Variants in FRMPD4 observed in about 807,000 individuals in gnomAD.
FRMPD4 encodes the protein FERM and PDZ domain-containing protein 4.
FRMPD4 carries 22 observed loss-of-function variants against 94.1 expected under a neutral mutation model. The observed-to-expected ratio is 0.23, with a 90% CI of 0.17 to 0.33. The LOEUF is 0.33. Ranked by LOEUF, FRMPD4 falls within the 10% of genes least tolerant of loss-of-function variation. The pLI is 1.00. For missense variants in FRMPD4, 1,111 were observed against 1,339.9 expected, an observed-to-expected ratio of 0.83 and a Z score of 2.67; for synonymous variants, 631 against 548.6, an observed-to-expected ratio of 1.15 and a Z score of -2.10.
intron 1 of FRMPD4, among the ~76,000 whole-genome samples, chrX:12,485,636 A>G (rs1475184417): frequency 8.9e-6 from 1 of 111,786 alleles, no homozygotes; most frequent in Non-Finnish European, 1.9e-5. Flanking sequence ...AGAAGGAAAT[A>G]AATTAGAGCT....
chrX:11,964,737 G>A (rs188550938), intron 3 of FRMPD4, among the ~76,000 whole-genome samples: 1 of 112,624 alleles, frequency 8.9e-6, no homozygotes, highest in Non-Finnish European at 1.9e-5. Context: ...ATTACTGCTA[G>A]GACAAATTAC....
chrX:12,352,986 A>G (rs2055838308), intron 1 of FRMPD4, among the ~76,000 whole-genome samples: 1 of 111,981 alleles, frequency 8.9e-6, no homozygotes. Context: ...ATGAATAGGT[A>G]TATACTGATT....
At chrX:12,355,726 G>A (rs1300427889) in intron 1 of FRMPD4, among the ~76,000 whole-genome samples, 1 of 111,643 alleles carries the variant, frequency 9.0e-6, no homozygotes, top group Non-Finnish European at 1.9e-5. Flanking sequence ...TTTTTTCTAT[G>A]AGGGAGGAAT....
At chrX:12,321,000 G>A (rs1480024578) in intron 1 of FRMPD4, among the ~76,000 whole-genome samples, 1 of 112,083 alleles carries the variant, frequency 8.9e-6, no homozygotes, top group African/African-American at 3.2e-5. Context: ...TATCAAACAA[G>A]ATTCACTTTT....
chrX:12,272,803 C>T (rs2054374182), intron 1 of FRMPD4, among the ~76,000 whole-genome samples: 1 of 111,819 alleles, frequency 8.9e-6, no homozygotes, highest in Admixed American at 9.5e-5. Flanking sequence ...CGTGTGGTGG[C>T]TCACACCTGT....
chrX:12,302,444 C>T (rs1188143115), intron 1 of FRMPD4, among the ~76,000 whole-genome samples: 1 of 111,814 alleles, frequency 8.9e-6, no homozygotes, highest in Non-Finnish European at 1.9e-5. Flanking sequence ...AAGCATATAG[C>T]ATACAATATC....
intron 3 of FRMPD4, among the ~76,000 whole-genome samples, chrX:11,978,757 A>C (rs904930097): frequency 6.2e-5 from 7 of 112,047 alleles, no homozygotes; most frequent in Non-Finnish European, 5.6e-5. Flanking sequence ...TTAGAGGACC[A>C]AAGAAAAGAA....
At chrX:12,269,131 G>A (rs909668484) in intron 1 of FRMPD4, among the ~76,000 whole-genome samples, 2 of 111,238 alleles carry the variant, frequency 1.8e-5, no homozygotes, top group Admixed American at 1.9e-4. Flanking sequence ...GTGTGAAAAG[G>A]CTGAGGTTGT....
intron 2 of FRMPD4, among the ~76,000 whole-genome samples, chrX:12,554,715 G>T (rs2058576862): frequency 9.0e-6 from 1 of 111,685 alleles, no homozygotes; most frequent in South Asian, 3.8e-4. Flanking sequence ...CAGGGCTCAG[G>T]TGATCGTCCC....
At chrX:12,240,570 T>A (rs2147791941) in intron 1 of FRMPD4, among the ~76,000 whole-genome samples, 1 of 112,462 alleles carries the variant, frequency 8.9e-6, no homozygotes, top group Non-Finnish European at 1.9e-5. Flanking sequence ...TTATTCCCTC[T>A]CCCCAAGCTG....
At chrX:12,051,671 C>T (rs1200410221) in intron 3 of FRMPD4, among the ~76,000 whole-genome samples, 1 of 111,451 alleles carries the variant, frequency 9.0e-6, no homozygotes, top group Non-Finnish European at 1.9e-5. Context: ...TTGTAATGAT[C>T]TTAGAGATGA....
chrX:12,035,400 G>A (rs1008645076), intron 3 of FRMPD4, among the ~76,000 whole-genome samples: 5 of 111,726 alleles, frequency 4.5e-5, no homozygotes, highest in African/African-American at 1.6e-4. Flanking sequence ...TTCGGTGATG[G>A]AGTCAAGCTA....
intron 3 of FRMPD4, among the ~76,000 whole-genome samples, chrX:11,878,290 A>G (rs1354707935): frequency 8.9e-6 from 1 of 112,402 alleles, no homozygotes; most frequent in East Asian, 2.8e-4. Flanking sequence ...TTATTTCCTT[A>G]GGAATAAATG....
At chrX:12,327,611 T>C (rs1396865599) in intron 1 of FRMPD4, among the ~76,000 whole-genome samples, 3 of 112,055 alleles carry the variant, frequency 2.7e-5, no homozygotes, top group Non-Finnish European at 5.6e-5. Context: ...TTCCATTTGG[T>C]TATTTACTGA....
intron 4 of FRMPD4, among the ~76,000 whole-genome samples, chrX:12,635,533 C>T (rs990165074): frequency 1.8e-5 from 2 of 111,587 alleles, no homozygotes; most frequent in Non-Finnish European, 3.8e-5. Context: ...AGAGCTTATA[C>T]TGGCCCAGTA....
intron 10 of FRMPD4, among the ~76,000 whole-genome samples, chrX:12,702,828 C>T (rs1376783002): frequency 8.9e-6 from 1 of 112,317 alleles, no homozygotes; most frequent in Non-Finnish European, 1.9e-5. Context: ...TCAGTTCACT[C>T]CTTCCAGATG....
intron 2 of FRMPD4, among the ~76,000 whole-genome samples, chrX:12,540,728 C>T (rs978662438): frequency 2.7e-5 from 3 of 111,800 alleles, no homozygotes; most frequent in Non-Finnish European, 5.6e-5. Context: ...CTCAGCTCTG[C>T]ACCAAGTGGG....
chrX:12,714,759 C>T (rs923128218), intron 14 of FRMPD4, among the ~76,000 whole-genome samples: 2 of 111,845 alleles, frequency 1.8e-5, no homozygotes, highest in African/African-American at 3.3e-5. Flanking sequence ...CTCACACACA[C>T]ACTTCCCCCC....
chrX:11,844,716 A>G (rs764856133), intron 1 of FRMPD4, among the ~76,000 whole-genome samples: 2 of 110,731 alleles, frequency 1.8e-5, no homozygotes, highest in African/African-American at 3.3e-5. Context: ...TCTTACTTGG[A>G]GTTTGTTGAG....
Sources: allele counts gnomAD v4.1 joint callset (sites outside exome capture counted in the v4.1 genomes callset), GRCh38; gene constraint gnomAD v4.1.1; transcripts MANE v1.5; gene names NCBI Gene and HGNC (gene_info 2026-07-23, HGNC 2026-07-21).